The following MARF1 variants were observed in gnomAD, a reference collection of about 807,000 sequenced individuals.
MARF1 encodes the protein limkain-b1.
Under a neutral mutation model 168.2 loss-of-function variants are expected in MARF1, and 24 were observed. That is an observed-to-expected ratio of 0.14 (90% CI 0.10 to 0.20). The LOEUF is 0.20. MARF1 is among the 10% of genes least tolerant of loss of function. The pLI, the probability that MARF1 is intolerant of heterozygous loss-of-function variation, is 1.00. For synonymous variants in MARF1, 868 were observed against 822.4 expected (o/e 1.06, Z -0.95); for missense variants, 1,744 against 2,143.6 (o/e 0.81, Z 3.68).
intron 10 of MARF1, 44 bp downstream of exon 10, chr16:15,624,725 C>T: frequency 1.3e-6 from 2 of 1,556,606 alleles, no homozygotes; most frequent in South Asian, 2.3e-5. Context: ...ATAATCCTTC[C>T]TATTACATGT....
intron 12 of MARF1, among the ~76,000 whole-genome samples, chr16:15,621,259 A>ACGCTTT (rs1419194638): frequency 7.9e-5 from 12 of 152,204 alleles, no homozygotes; most frequent in Admixed American, 7.9e-4. Context: ...TTTTACTATG[A>ACGCTTT]ATAAAACCAT....
At chr16:15,640,418 T>C (rs1051629313) in intron 1 of MARF1, among the ~76,000 whole-genome samples, 5 of 152,200 alleles carry the variant, frequency 3.3e-5, no homozygotes, top group African/African-American at 7.2e-5. Context: ...TAACAATAAA[T>C]GCAAGCGAGG....
intron 21 of MARF1, among the ~76,000 whole-genome samples, chr16:15,607,921 CT>C (rs2033154761): frequency 6.6e-6 from 1 of 152,188 alleles, no homozygotes; most frequent in Non-Finnish European, 1.5e-5. Flanking sequence ...TGATTACGGG[CT>C]CCCAAGAACG....
Position 15,595,398 on chromosome 16 carries a change from A to C in MARF1, c.*1295T>G, listed in dbSNP as rs763708799. On this transcript the variant is annotated 3_prime_UTR_variant, in exon 27 of 27. Coordinates refer to ENST00000396368, the MANE Select transcript of MARF1 (RefSeq NM_014647.4). Reference sequence around the variant, plus strand: ...CCAAAAGAAACCATCTAACTAGTGGAAGACCTTACGCCAACAGGTTCTTTC... The same window carrying C: ...CCAAAAGAAACCATCTAACTAGTGGCAGACCTTACGCCAACAGGTTCTTTC... The C allele has an allele frequency of 6.6e-6, 1 of 152,630 alleles. No homozygotes were observed. The highest frequency in any genetic ancestry group is 1.5e-5 in the Non-Finnish European group (1 of 68,034). 9.5% of individuals were successfully genotyped at this position (152,630 alleles called of 1,614,324 possible). A position where few individuals can be genotyped will look rare whatever the true frequency, so the allele number is the denominator to read the frequency against.
At chr16:15,630,994 G>A (rs2035213444) in intron 6 of MARF1, among the ~76,000 whole-genome samples, 1 of 152,066 alleles carries the variant, frequency 6.6e-6, no homozygotes, top group African/African-American at 2.4e-5. Context: ...GCTGGGCGTG[G>A]TGGAACATGC....
Position 15,636,299 on chromosome 16 carries a change from T to A in MARF1, c.188A>T (p.Asp63Val). Residue 63 changes from aspartate (D) to valine (V), a missense_variant, in exon 3 of 27, where the codon GAT becomes GTT. Around this residue, in one of 7 missense-constraint regions of MARF1, gnomAD observed 318 missense variants for 336.6 expected, o/e 0.94. Coordinates refer to ENST00000396368, the MANE Select transcript of MARF1 (RefSeq NM_014647.4). Reference protein sequence around the residue: ...ENKKVAVELKDVPSPLHAGSK... With the variant: ...ENKKVAVELKVVPSPLHAGSK... The stretch of plus-strand genomic sequence containing the variant: ...GCCAGCATGAAGGGGTGATGGTACA[T>A]CCTTTAGTTCCACAGCAACTTTCTT... 6.3e-7 allele frequency: 1 copy of A among 1,583,112 alleles called. No individual in the cohort carries two copies. Among genetic ancestry groups the A allele is most frequent in the Non-Finnish European group, 8.6e-7 (1 of 1,163,416 alleles).
rs373810653 is a variant in MARF1 at position 15,636,078 on chromosome 16, C to T, written c.409G>A (p.Asp137Asn). 1.9e-6 allele frequency: 3 copies of T among 1,614,138 alleles called. No homozygotes were observed. The African/African-American group carries it at 4.0e-5, about 22-fold the overall frequency. The change falls in exon 3 of 27, where the codon GAC becomes AAC. Residue 137 changes from aspartate to asparagine, a missense_variant. By Grantham distance (23) the Asp-to-Asn change is conservative (BLOSUM62 1). This residue lies in a region of MARF1 where 318 missense variants were observed against 336.6 expected (regional missense o/e 0.94). Coordinates refer to ENST00000396368, the MANE Select transcript of MARF1 (RefSeq NM_014647.4). ...GTGATTGTCCTGGTGCTTTGCGAGTCTAACAGTGCGCCCGGGTGAATCAAG... is the reference window on the plus strand; with the variant it reads ...GTGATTGTCCTGGTGCTTTGCGAGTTTAACAGTGCGCCCGGGTGAATCAAG... ...SSLIHPGALL[D>N]SQSTRTITCQ...
chr16:15,636,124 G>A lies in MARF1; in HGVS notation c.363C>T (p.Gly121=), dbSNP rs763054446. 42 of 1,614,014 alleles carry A rather than the reference G, an allele frequency of 2.6e-5. No homozygotes were observed. The South Asian group carries it at 3.7e-4, about 14-fold the overall frequency. The change falls in exon 3 of 27, where the codon GGC becomes GGT. Residue 121 remains glycine, a synonymous_variant. Coordinates refer to ENST00000396368, the MANE Select transcript of MARF1 (RefSeq NM_014647.4). ...TCAAGCTACTGGTACCTCCGCTACC[G>A]CCACCACCACCACCAAAACGCATTG... is the stretch of plus-strand genomic sequence containing the variant. ...TSPMRFGGGG[G]GSGGTSSLIH...
intron 11 of MARF1, 60 bp downstream of exon 11, chr16:15,622,874 T>C (rs1418264390): frequency 4.3e-6 from 6 of 1,398,362 alleles, no homozygotes; most frequent in Non-Finnish European, 5.8e-6. Flanking sequence ...AATTAGGTCC[T>C]CTTGACTAGA....
intron 15 of MARF1, among the ~76,000 whole-genome samples, chr16:15,616,371 T>G (rs2034042994): frequency 1.3e-5 from 2 of 152,224 alleles, no homozygotes; most frequent in Admixed American, 1.3e-4. Context: ...TAAATGAACT[T>G]CTGAAGAATA....
intron 1 of MARF1, 41 bp from the exon 2 acceptor site, chr16:15,639,332 T>TC (rs2035798506): frequency 7.4e-7 from 1 of 1,353,868 alleles, no homozygotes; most frequent in African/African-American, 1.5e-5. Context: ...TTTCCTTGCA[T>TC]AAGTACAAAT....
intron 16 of MARF1, among the ~76,000 whole-genome samples, chr16:15,613,523 G>A (rs570395417): frequency 3.1e-4 from 47 of 151,788 alleles, no homozygotes; most frequent in African/African-American, 1.0e-3. Flanking sequence ...TTAGCCGGGC[G>A]TGGTGGCAGG....
intron 2 of MARF1, among the ~76,000 whole-genome samples, chr16:15,636,564 A>C (rs541478153): frequency 6.6e-6 from 1 of 152,288 alleles, no homozygotes; most frequent in South Asian, 2.1e-4. Flanking sequence ...TTAAGACTAC[A>C]TTCTTCCTGA....
chr16:15,602,503 G>C (rs1284071478), intron 22 of MARF1: 4 of 544,808 alleles, frequency 7.3e-6, no homozygotes, highest in African/African-American at 2.0e-5. Context: ...ACAAGACGAA[G>C]ACGACGATGA....
At position 15,595,113 on chromosome 16, in the gene MARF1, A is replaced by G. The variant is rs2031553072; in HGVS notation, c.*1580T>C. 3 of 152,608 alleles carry G rather than the reference A, an allele frequency of 2.0e-5. No individual in the cohort carries two copies. The South Asian group carries it at 6.2e-4, about 32-fold the overall frequency. The allele number at this position is 152,608 out of a possible 1,614,324, so 9.5% of individuals were successfully genotyped here. A position where few individuals can be genotyped will look rare whatever the true frequency, so the allele number is the denominator to read the frequency against. ...TTTGCATTTCACTTCCTGTAACACT[A>G]TGTCTGTAGAGGAAATGCCTTCAGG... On this transcript the variant is annotated 3_prime_UTR_variant, in exon 27 of 27. Transcript: ENST00000396368.
At chr16:15,628,849 T>C (rs2035053099) in intron 7 of MARF1, among the ~76,000 whole-genome samples, 1 of 152,126 alleles carries the variant, frequency 6.6e-6, no homozygotes. Flanking sequence ...TTTAATTTAT[T>C]AAAATTAAAG....
intron 2 of MARF1, among the ~76,000 whole-genome samples, chr16:15,636,668 G>C (rs916600958): frequency 6.6e-6 from 1 of 152,114 alleles, no homozygotes; most frequent in Non-Finnish European, 1.5e-5. Context: ...TTGCCTCACA[G>C]AATCTTCTGA....
intron 15 of MARF1, 30 bp from the exon 16 acceptor site, chr16:15,616,035 A>G (rs573103411): frequency 1.4e-6 from 2 of 1,443,720 alleles, no homozygotes; most frequent in Non-Finnish European, 1.8e-6. Flanking sequence ...CAAAAAAAGG[A>G]AAGGTTAAAT....
chr16:15,597,028 ATAATAG>A, intron 26 of MARF1, 91 bp from the exon 27 acceptor site: 1 of 1,387,800 alleles, frequency 7.2e-7, no homozygotes. Flanking sequence ...TCAAAAGATA[ATAATAG>A]TAATAAAAAG....
Sources: gnomAD v4.1 joint callset for allele counts (sites outside exome capture counted in the v4.1 genomes callset) on GRCh38, gnomAD v4.1.1 for gene constraint, gnomAD v4.1.1 regional missense constraint, MANE v1.5 for transcripts, NCBI Gene and HGNC (gene_info 2026-07-23, HGNC 2026-07-21) for gene names.